The following ADCY5 variants were observed in gnomAD, a reference collection of about 807,000 sequenced individuals.
The protein encoded by ADCY5 is adenylate cyclase 5.
A neutral mutation model predicts 119.7 loss-of-function variants in ADCY5; 30 were observed. The ratio of observed to expected loss-of-function variants is 0.25; its 90% CI spans 0.19 to 0.34. The LOEUF is 0.34. Among genes scored for constraint, ADCY5 ranks in the 10% least tolerant of loss-of-function variants. The probability of loss-of-function intolerance (pLI) is 1.00; values close to 1 mark genes in which losing one functional copy is unlikely to be tolerated. For missense variants in ADCY5, 1,324 were observed against 1,775.2 expected (o/e 0.75, Z 4.57); for synonymous variants, 753 against 762.2 (o/e 0.99, Z 0.20).
chr3:123,440,464 C>A (rs529499719), intron 1 of ADCY5, among the ~76,000 whole-genome samples: 1 of 145,678 alleles, frequency 6.9e-6, no homozygotes. Flanking sequence ...TCTAACCACC[C>A]CCCCTTTCTC....
chr3:123,392,451 A>G (rs1222381687), intron 1 of ADCY5, among the ~76,000 whole-genome samples: 1 of 151,890 alleles, frequency 6.6e-6, no homozygotes, highest in East Asian at 2.0e-4. Flanking sequence ...GTCTGCAGGC[A>G]GCACAGGTTA....
rs201186672 is a variant in ADCY5 at position 123,395,725 on chromosome 3, A to AT, written c.1135-43145dup. The stretch of plus-strand genomic sequence containing the variant: ...TGACCCCGTCTCTACAAAAAAAAAA[A>AT]TTTTTTTAATTGCCGGGTGTGGTGG... On this transcript the variant is annotated intron_variant, in intron 1 of 20. Coordinates refer to ENST00000462833, the MANE Select transcript of ADCY5 (RefSeq NM_183357.3). 1.8e-3 allele frequency among the ~76,000 whole-genome samples: 272 copies of AT among 151,324 alleles called. 1 individual carries two copies. Among genetic ancestry groups the AT allele is most frequent in the African/African-American group, 6.0e-3 (246 of 41,156 alleles).
intron 1 of ADCY5, among the ~76,000 whole-genome samples, chr3:123,389,167 T>A (rs983296328): frequency 2.0e-5 from 3 of 152,076 alleles, no homozygotes; most frequent in Admixed American, 1.3e-4. Context: ...GGAAGGCTTA[T>A]GACGTCCTCA....
intron 1 of ADCY5, among the ~76,000 whole-genome samples, chr3:123,415,608 G>A (rs553246559): frequency 3.9e-4 from 59 of 152,188 alleles, no homozygotes; most frequent in Non-Finnish European, 6.8e-4. Flanking sequence ...GTCCCACAGC[G>A]CCTCTGTGGC....
chr3:123,429,570 G>C (rs1322531323), intron 1 of ADCY5, among the ~76,000 whole-genome samples: 1 of 152,012 alleles, frequency 6.6e-6, no homozygotes, highest in African/African-American at 2.4e-5. Context: ...CTTCACTCGG[G>C]GCCTGGAGTT....
intron 3 of ADCY5, among the ~76,000 whole-genome samples, chr3:123,340,087 G>A (rs987746953): frequency 6.6e-5 from 10 of 152,022 alleles, no homozygotes; most frequent in African/African-American, 1.7e-4. Flanking sequence ...CCCAGGAGTC[G>A]GAGGCCGGTC....
chr3:123,394,559 G>A (rs970019395), intron 1 of ADCY5, among the ~76,000 whole-genome samples: 6 of 152,166 alleles, frequency 3.9e-5, no homozygotes, highest in African/African-American at 9.7e-5. Context: ...TGTTAAGCTC[G>A]TGCAGTTTAG....
At chr3:123,318,215 G>T in intron 10 of ADCY5, 98 bp from the exon 11 acceptor site, 1 of 880,566 alleles carries the variant, frequency 1.1e-6, no homozygotes, top group Non-Finnish European at 1.8e-6. Flanking sequence ...ACTCATGGCT[G>T]GTCACCTGTG....
intron 1 of ADCY5, among the ~76,000 whole-genome samples, chr3:123,371,893 G>A (rs1275274703): frequency 6.6e-6 from 1 of 152,216 alleles, no homozygotes; most frequent in Non-Finnish European, 1.5e-5. Flanking sequence ...CCAGATTTGG[G>A]GCAGGGGAGA....
chr3:123,288,860 G>A (rs988367087), intron 19 of ADCY5, among the ~76,000 whole-genome samples: 4 of 152,138 alleles, frequency 2.6e-5, no homozygotes, highest in African/African-American at 4.8e-5. Flanking sequence ...CAGAGGTATC[G>A]GCACAGCCCC....
intron 1 of ADCY5, among the ~76,000 whole-genome samples, chr3:123,373,648 A>G (rs961254361): frequency 6.6e-6 from 1 of 152,038 alleles, no homozygotes; most frequent in Non-Finnish European, 1.5e-5. Context: ...CTTAAGCTAA[A>G]TTGCTCTTGT....
chr3:123,340,014 G>A (rs559460824), intron 3 of ADCY5, among the ~76,000 whole-genome samples: 1 of 151,992 alleles, frequency 6.6e-6, no homozygotes, highest in African/African-American at 2.4e-5. Context: ...TTTTTGCCAC[G>A]CACAGTGGCT....
chr3:123,425,559 T>C (rs1416943943), intron 1 of ADCY5, among the ~76,000 whole-genome samples: 2 of 152,224 alleles, frequency 1.3e-5, no homozygotes, highest in Non-Finnish European at 2.9e-5. Flanking sequence ...TCTGTCCCAG[T>C]GGCCCCAGCC....
chr3:123,285,609 C>A (rs570605382), intron 20 of ADCY5, among the ~76,000 whole-genome samples: 3 of 152,168 alleles, frequency 2.0e-5, no homozygotes, highest in Admixed American at 6.5e-5. Context: ...TGAGAGGGGA[C>A]CCCACTGTGT....
At position 123,300,248 on chromosome 3, in the gene ADCY5, G is replaced by A. The variant is rs544375195; in HGVS notation, c.2772C>T (p.Phe924=). 6 of 1,613,690 alleles carry A rather than the reference G, an allele frequency of 3.7e-6. No individual in the cohort carries two copies. In the Admixed American group the frequency reaches 8.3e-5, roughly 22 times the overall value. Residue 924 remains phenylalanine (F), a synonymous_variant, in exon 15 of 21, where the codon TTC becomes TTT. Transcript: ENST00000462833. Reference sequence around the variant, plus strand: ...GCTTCCCGATGCAGCTGATCTGCAGGAACACGGAGCAGGCCAGCAGGCTGA... The same window carrying A: ...GCTTCCCGATGCAGCTGATCTGCAGAAACACGGAGCAGGCCAGCAGGCTGA... ...VLLSLLACSV[F]LQISCIGKLV...
At chr3:123,393,422 G>A (rs1944451128) in intron 1 of ADCY5, among the ~76,000 whole-genome samples, 2 of 151,994 alleles carry the variant, frequency 1.3e-5, no homozygotes, top group Admixed American at 6.6e-5. Context: ...TGGGCAGGGT[G>A]GGGTAATGCC....
At chr3:123,309,361 C>T (rs1398235546) in intron 12 of ADCY5, among the ~76,000 whole-genome samples, 1 of 152,222 alleles carries the variant, frequency 6.6e-6, no homozygotes, top group Non-Finnish European at 1.5e-5. Flanking sequence ...CAGAAGGGGT[C>T]CCCACGCCAG....
chr3:123,325,829 G>A (rs74804803), intron 7 of ADCY5, among the ~76,000 whole-genome samples: 2,673 of 152,352 alleles, frequency 0.018, 145 homozygotes, highest in South Asian at 0.17. Context: ...CCTAGGCTCC[G>A]AAAGGCCTGA....
At chr3:123,307,738 T>C (rs1414836936) in intron 12 of ADCY5, among the ~76,000 whole-genome samples, 1 of 152,206 alleles carries the variant, frequency 6.6e-6, no homozygotes, top group Non-Finnish European at 1.5e-5. Context: ...GCTTCTTTCA[T>C]CATTTTGCAA....
Sources: allele counts gnomAD v4.1 joint callset (sites outside exome capture counted in the v4.1 genomes callset), GRCh38; gene constraint gnomAD v4.1.1; transcripts MANE v1.5; gene names NCBI Gene and HGNC (gene_info 2026-07-23, HGNC 2026-07-21).